KANSL1: variants seen among roughly 807,000 people sequenced by gnomAD.
KANSL1 encodes the protein MLL1/MLL complex subunit KANSL1.
A neutral mutation model predicts 103.6 loss-of-function variants in KANSL1; 22 were observed. That is an observed-to-expected ratio of 0.21 (90% CI 0.15 to 0.30). The LOEUF is 0.30. Ranked by LOEUF, KANSL1 falls within the 10% of genes least tolerant of loss-of-function variation. The pLI, the probability that KANSL1 is intolerant of heterozygous loss-of-function variation, is 1.00. For synonymous variants in KANSL1, 600 were observed against 527.6 expected (o/e 1.14, Z -1.88); for missense variants, 1,337 against 1,399.8 (o/e 0.96, Z 0.72).
intron 2 of KANSL1, among the ~76,000 whole-genome samples, chr17:46,151,614 G>C (rs2045108663): frequency 6.6e-6 from 1 of 152,228 alleles, no homozygotes; most frequent in African/African-American, 2.4e-5. Context: ...CTTATTGGCT[G>C]CTGTACTCCT....
At chr17:46,160,076 A>G (rs573271610) in intron 2 of KANSL1, among the ~76,000 whole-genome samples, 7 of 152,320 alleles carry the variant, frequency 4.6e-5, no homozygotes, top group African/African-American at 1.4e-4. Flanking sequence ...AACATGTATG[A>G]CCACAAGCAA....
intron 10 of KANSL1, 93 bp from the exon 11 acceptor site, chr17:46,034,378 A>G (rs762675934): frequency 1.5e-5 from 21 of 1,426,592 alleles, no homozygotes; most frequent in Non-Finnish European, 1.9e-5. Context: ...CCAATAACCA[A>G]GCATCTGGGT....
intron 1 of KANSL1, among the ~76,000 whole-genome samples, chr17:46,204,823 T>C (rs144988385): frequency 3.1e-4 from 47 of 152,336 alleles, no homozygotes; most frequent in South Asian, 4.1e-4. Flanking sequence ...ATACACCATA[T>C]TAATAAAGGA....
intron 4 of KANSL1, 61 bp downstream of exon 4, chr17:46,082,380 G>A: frequency 1.9e-6 from 2 of 1,034,074 alleles, no homozygotes; most frequent in Non-Finnish European, 3.0e-6. Flanking sequence ...AGAAAAAACG[G>A]TGTGCCAAGA....
intron 6 of KANSL1, among the ~76,000 whole-genome samples, chr17:46,065,708 A>G (rs2078353618): frequency 6.6e-6 from 1 of 152,162 alleles, no homozygotes; most frequent in Admixed American, 6.5e-5. Flanking sequence ...CACAGTACCA[A>G]TTTTACTGGA....
chr17:46,132,788 C>A (rs1367123056), intron 2 of KANSL1, among the ~76,000 whole-genome samples: 1 of 152,116 alleles, frequency 6.6e-6, no homozygotes. Flanking sequence ...GAAAAGAATA[C>A]AAGAATTAGC....
chr17:46,032,707 A>C, intron 13 of KANSL1: 1 of 335,392 alleles, frequency 3.0e-6, no homozygotes, highest in Admixed American at 4.3e-5. Context: ...AAGGGGGGGC[A>C]GTTTCTTCAA....
chr17:46,188,976 T>C (rs2696568), intron 1 of KANSL1, among the ~76,000 whole-genome samples: 21,782 of 131,862 alleles, frequency 0.17, 2,174 homozygotes, highest in Middle Eastern at 0.29. Flanking sequence ...GAGGTTGCAG[T>C]GAGCCAAGAT....
intron 2 of KANSL1, among the ~76,000 whole-genome samples, chr17:46,125,081 G>A (rs866375850): frequency 2.1e-4 from 5 of 23,668 alleles, no homozygotes; most frequent in East Asian, 5.2e-4. Flanking sequence ...AGGGAGGGAG[G>A]GAGAGAGGGA....
At chr17:46,125,522 T>C (rs1161785863) in intron 2 of KANSL1, among the ~76,000 whole-genome samples, 1 of 152,182 alleles carries the variant, frequency 6.6e-6, no homozygotes, top group Non-Finnish European at 1.5e-5. Flanking sequence ...ATCTAGAGTC[T>C]AGATCCCAAA....
intron 2 of KANSL1, among the ~76,000 whole-genome samples, chr17:46,141,100 C>T (rs145561352): frequency 1.1e-4 from 16 of 151,872 alleles, no homozygotes; most frequent in African/African-American, 3.9e-4. Context: ...ATGTACTCAA[C>T]AATTAACTAA....
intron 11 of KANSL1, 48 bp from the exon 12 acceptor site, chr17:46,033,508 C>G: frequency 6.5e-7 from 1 of 1,535,024 alleles, no homozygotes; most frequent in Non-Finnish European, 9.0e-7. Context: ...CAGGCTAAAA[C>G]TGGGGGCAGG....
intron 7 of KANSL1, 81 bp from the exon 8 acceptor site, chr17:46,039,965 T>G: frequency 7.5e-7 from 1 of 1,330,888 alleles, no homozygotes; most frequent in East Asian, 2.3e-5. Flanking sequence ...CATCCTCCTT[T>G]AATTTGCCCA....
chr17:46,157,202 T>C (rs1471951342), intron 2 of KANSL1, among the ~76,000 whole-genome samples: 1 of 152,248 alleles, frequency 6.6e-6, no homozygotes, highest in Non-Finnish European at 1.5e-5. Context: ...TCCATTCAGA[T>C]TACCAATTAT....
intron 6 of KANSL1, among the ~76,000 whole-genome samples, chr17:46,051,280 A>G (rs2077703477): frequency 6.6e-6 from 1 of 152,194 alleles, no homozygotes; most frequent in African/African-American, 2.4e-5. Context: ...CTACTCTTTA[A>G]CCTGGCCTAA....
rs535865693 is a variant in KANSL1, at chr17:46,064,749, T to G, written c.1848+1788A>C. Among the ~76,000 whole-genome samples, 7 of 152,286 alleles carry G rather than the reference T, an allele frequency of 4.6e-5. No homozygotes were observed. The South Asian group carries it at 1.5e-3, about 32-fold the overall frequency. ...ATCCTTTCCTCATCTTTCACAGGAA[T>G]GAGGAGGAATACCTAAGCTCTGGAA... is the stretch of plus-strand genomic sequence containing the variant. On this transcript the variant is annotated intron_variant, in intron 6 of 14. Transcript: ENST00000432791.
intron 2 of KANSL1, among the ~76,000 whole-genome samples, chr17:46,166,395 C>T (rs904666246): frequency 6.6e-6 from 1 of 151,984 alleles, no homozygotes; most frequent in Non-Finnish European, 1.5e-5. Context: ...ACCTGTAATT[C>T]CAGCTACTCA....
chr17:46,209,387 C>T (rs942396149), intron 1 of KANSL1, among the ~76,000 whole-genome samples: 5 of 152,162 alleles, frequency 3.3e-5, no homozygotes, highest in Admixed American at 6.5e-5. Context: ...AATAAGCATA[C>T]AAATCTCTAA....
chr17:46,091,382 A>T (rs2079381320), intron 3 of KANSL1, among the ~76,000 whole-genome samples: 1 of 152,258 alleles, frequency 6.6e-6, no homozygotes, highest in South Asian at 2.1e-4. Flanking sequence ...TTATAAAGCA[A>T]AAAGTTATAG....
Sources: allele counts gnomAD v4.1 joint callset (sites outside exome capture counted in the v4.1 genomes callset), GRCh38; gene constraint gnomAD v4.1.1; transcripts MANE v1.5; gene names NCBI Gene and HGNC (gene_info 2026-07-23, HGNC 2026-07-21).